Variants in UGT1A5 observed in about 807,000 individuals in gnomAD.
The protein encoded by UGT1A5 is UDP glucuronosyltransferase family 1 member A5.
UGT1A5 carries 29 observed loss-of-function variants against 40.3 expected under a neutral mutation model. The observed-to-expected ratio is 0.72, with a 90% CI of 0.54 to 0.98. The LOEUF is 0.98. Among genes scored for constraint, UGT1A5 ranks in the 50% least tolerant of loss-of-function variants. UGT1A5 has a pLI of 0.00. For synonymous variants in UGT1A5, 257 were observed against 262.5 expected, an observed-to-expected ratio of 0.98 and a Z score of 0.20; for missense variants, 678 against 677.9, an observed-to-expected ratio of 1.00 and a Z score of 0.00.
intron 1 of UGT1A5, among the ~76,000 whole-genome samples, 167 bp from the exon 2 acceptor site, chr2:233,766,867 G>A (rs568299850): frequency 5.3e-5 from 8 of 152,308 alleles, no homozygotes; most frequent in African/African-American, 1.7e-4. Flanking sequence ...AAGTAAAGGA[G>A]AGGAAAATGC....
At chr2:233,714,493 C>T (rs566315166) in intron 1 of UGT1A5, among the ~76,000 whole-genome samples, 3 of 152,194 alleles carry the variant, frequency 2.0e-5, no homozygotes, top group South Asian at 2.1e-4. Flanking sequence ...TGTGAAGACA[C>T]TACTTAAAAA....
At chr2:233,760,890 A>G (rs755957493) in intron 1 of UGT1A5, 1 of 1,614,048 alleles carries the variant, frequency 6.2e-7, no homozygotes, top group South Asian at 1.1e-5. Context: ...CCTCTCATTC[A>G]GATCACATGA....
chr2:233,754,759 C>T lies in UGT1A5; in HGVS notation c.868-12275C>T, dbSNP rs188420016. 6.3e-5 allele frequency: 56 copies of T among 893,964 alleles called. No individual in the cohort carries two copies. In the African/African-American group the frequency reaches 8.1e-4, roughly 13 times the overall value. 55.4% of individuals were successfully genotyped at this position (893,964 alleles called of 1,614,324 possible). On this transcript the variant is annotated intron_variant, in intron 1 of 4. Transcript: ENST00000373414. ...TAGGACATGCAGAAGGAAGAAAGGCCCCCACTTCCCAGGGAGCCAAAGGAA... is the reference window on the plus strand; with the variant it reads ...TAGGACATGCAGAAGGAAGAAAGGCTCCCACTTCCCAGGGAGCCAAAGGAA...
intron 1 of UGT1A5, among the ~76,000 whole-genome samples, chr2:233,735,969 A>C (rs1327406953): frequency 2.0e-5 from 3 of 152,092 alleles, no homozygotes; most frequent in Admixed American, 2.0e-4. Context: ...AACTTTGGTG[A>C]ATCTGACAAT....
chr2:233,727,656 C>T (rs982873405), intron 1 of UGT1A5, among the ~76,000 whole-genome samples: 1 of 152,148 alleles, frequency 6.6e-6, no homozygotes, highest in Non-Finnish European at 1.5e-5. Context: ...CTTTCTAGTG[C>T]TCTATGTCCT....
rs1197217619 is a variant in UGT1A5, at chr2:233,750,175, GA to G, written c.868-16858del. 5.9e-5 allele frequency among the ~76,000 whole-genome samples: 9 copies of G among 151,894 alleles called. 1 individual carries two copies. The highest frequency in any genetic ancestry group is 2.2e-4 in the African/African-American group (9 of 41,136). Reference sequence around the variant, plus strand: ...GTTGAATGGTTTTGACCAAAATGCTGATAATGTTGTGGACAATGAAGTCCAG... The same window carrying G: ...GTTGAATGGTTTTGACCAAAATGCTGTAATGTTGTGGACAATGAAGTCCAG... On this transcript the variant is annotated intron_variant, in intron 1 of 4. Coordinates refer to ENST00000373414, the MANE Select transcript of UGT1A5 (RefSeq NM_019078.2).
intron 1 of UGT1A5, among the ~76,000 whole-genome samples, chr2:233,731,894 C>G (rs1470586397): frequency 6.6e-6 from 1 of 152,238 alleles, no homozygotes; most frequent in Non-Finnish European, 1.5e-5. Context: ...AATTTACACT[C>G]CCACCAATGG....
intron 1 of UGT1A5, among the ~76,000 whole-genome samples, chr2:233,757,551 T>TATATATATATATATATACATATAC (rs1696621999): frequency 1.3e-5 from 1 of 78,674 alleles, no homozygotes; most frequent in Non-Finnish European, 2.5e-5. Flanking sequence ...TATATATATA[T>TATATATATATATATATACATATAC]ATATATATAT....
intron 1 of UGT1A5, among the ~76,000 whole-genome samples, chr2:233,715,966 CTGAT>C (rs1167313224): frequency 2.0e-5 from 3 of 152,178 alleles, no homozygotes; most frequent in African/African-American, 7.2e-5. Flanking sequence ...GACTGATTGA[CTGAT>C]TGATTGATTT....
chr2:233,743,650 G>T, intron 1 of UGT1A5: 1 of 1,367,276 alleles, frequency 7.3e-7, no homozygotes, highest in Non-Finnish European at 9.8e-7. Context: ...AGCTGAAGAC[G>T]TACTCGAAGG....
At chr2:233,731,132 C>G (rs1241024479) in intron 1 of UGT1A5, among the ~76,000 whole-genome samples, 5 of 152,006 alleles carry the variant, frequency 3.3e-5, no homozygotes, top group African/African-American at 7.3e-5. Context: ...GCAAAAGACT[C>G]TAAGCTTCAT....
In UGT1A5 at chr2:233,755,313, G is replaced by A. The variant is rs565914238; in HGVS notation, c.868-11721G>A. 9.1e-5 allele frequency: 50 copies of A among 549,068 alleles called. 1 individual carries two copies. The highest frequency in any genetic ancestry group is 7.5e-4 in the South Asian group (41 of 54,588). The allele number at this position is 549,068 out of a possible 1,614,324, so 34.0% of individuals were successfully genotyped here. On this transcript the variant is annotated intron_variant, in intron 1 of 4. Transcript: ENST00000373414. Reference sequence around the variant, plus strand: ...CTGCGGGGCACTGGCACAGCGAGCGGCAAGGCTGCCAGCACCCGCGCACAG... The same window carrying A: ...CTGCGGGGCACTGGCACAGCGAGCGACAAGGCTGCCAGCACCCGCGCACAG...
At position 233,746,588 on chromosome 2, in the gene UGT1A5, TGA is replaced by T. The variant is rs1470732385; in HGVS notation, c.868-20444_868-20443del. Among the ~76,000 whole-genome samples the T allele has an allele frequency of 2.0e-5, 3 of 151,754 alleles. 1 individual carries two copies. The highest frequency in any genetic ancestry group is 7.3e-5 in the African/African-American group (3 of 41,048). On this transcript the variant is annotated intron_variant, in intron 1 of 4. Coordinates refer to ENST00000373414, the MANE Select transcript of UGT1A5 (RefSeq NM_019078.2). ...ACCACACCCTGTAATTGCCTAGTTG[TGA>T]GTTTGTCTCTGTTCACCTGACCCCT...
chr2:233,724,544 T>C (rs2077280131), intron 1 of UGT1A5, among the ~76,000 whole-genome samples: 1 of 117,026 alleles, frequency 8.5e-6, no homozygotes, highest in African/African-American at 3.6e-5. Flanking sequence ...GCAGAGGCGC[T>C]CCTCACATCC....
At chr2:233,762,448 C>T (rs2125997990) in intron 1 of UGT1A5, among the ~76,000 whole-genome samples, 1 of 152,302 alleles carries the variant, frequency 6.6e-6, no homozygotes, top group East Asian at 1.9e-4. Context: ...TCCCACTGCC[C>T]ACTTACCGAT....
rs149243985 is a variant in UGT1A5, at chr2:233,751,326, T to A, written c.868-15708T>A. ...ATTTACCCAATTTCTGTACCCCCAT[T>A]GTGTCTTGGAAGTTACTTTTGATTT... On this transcript the variant is annotated intron_variant, in intron 1 of 4. Coordinates refer to ENST00000373414, the MANE Select transcript of UGT1A5 (RefSeq NM_019078.2). Among the ~76,000 whole-genome samples the A allele has an allele frequency of 2.6e-5, 4 of 152,018 alleles. No homozygotes were observed. The East Asian group carries it at 5.8e-4, about 22-fold the overall frequency.
chr2:233,738,092 G>A (rs994009191), intron 1 of UGT1A5, among the ~76,000 whole-genome samples: 1 of 152,196 alleles, frequency 6.6e-6, no homozygotes, highest in African/African-American at 2.4e-5. Context: ...ATCATAGTGA[G>A]TGAGTTCTTA....
intron 1 of UGT1A5, chr2:233,755,452 C>G (rs1440747230): frequency 1.3e-5 from 4 of 306,254 alleles, no homozygotes; most frequent in Non-Finnish European, 2.6e-5. Context: ...GCTCCTGGGA[C>G]TGGCCCTGCT....
chr2:233,762,475 C>A (rs1173865347), intron 1 of UGT1A5, among the ~76,000 whole-genome samples: 1 of 152,106 alleles, frequency 6.6e-6, no homozygotes, highest in East Asian at 1.9e-4. Flanking sequence ...ATGGATATCA[C>A]TCCAGTTTTA....
Sources: allele counts gnomAD v4.1 joint callset (sites outside exome capture counted in the v4.1 genomes callset), GRCh38; gene constraint gnomAD v4.1.1; transcripts MANE v1.5; gene names NCBI Gene and HGNC (gene_info 2026-07-23, HGNC 2026-07-21).